Variants in LDAH observed in about 807,000 individuals in gnomAD.
LDAH encodes lipid droplet-associated hydrolase.
LDAH carries 26 observed loss-of-function variants against 29.6 expected under a neutral mutation model. The ratio of observed to expected loss-of-function variants is 0.88; its 90% CI spans 0.64 to 1.22. The LOEUF is 1.22. Ranked by LOEUF, LDAH falls within the 50% of genes most tolerant of loss-of-function variation. The probability of loss-of-function intolerance (pLI) is 0.00; values close to 1 mark genes in which losing one functional copy is unlikely to be tolerated. For synonymous variants in LDAH, 117 were observed against 133.0 expected, an observed-to-expected ratio of 0.88 and a Z score of 0.83; for missense variants, 344 against 387.3, an observed-to-expected ratio of 0.89 and a Z score of 0.94.
chr2:20,794,950 C>T (rs1488400903), intron 2 of LDAH, among the ~76,000 whole-genome samples: 2 of 152,146 alleles, frequency 1.3e-5, no homozygotes, highest in Non-Finnish European at 2.9e-5. Flanking sequence ...GTACTTCATA[C>T]TTCACCATTT....
chr2:20,689,684 TTCG>T (rs1292886876), intron 6 of LDAH, among the ~76,000 whole-genome samples: 2 of 152,190 alleles, frequency 1.3e-5, no homozygotes, highest in Admixed American at 1.3e-4. Flanking sequence ...CAGCAATCTT[TTCG>T]ATTGTATTCA....
intron 1 of LDAH, among the ~76,000 whole-genome samples, chr2:20,818,450 C>T (rs571017641): frequency 7.2e-5 from 11 of 152,164 alleles, no homozygotes; most frequent in South Asian, 2.1e-4. Flanking sequence ...ATTCTTTTTA[C>T]GCTTCTGCTG....
chr2:20,770,726 C>A (rs1043185176), intron 4 of LDAH, among the ~76,000 whole-genome samples: 33 of 152,180 alleles, frequency 2.2e-4, no homozygotes, highest in Admixed American at 7.2e-4. Flanking sequence ...CACTGCAGGG[C>A]ACACTGTAAT....
chr2:20,689,880 T>C (rs1662865535), intron 6 of LDAH, among the ~76,000 whole-genome samples: 1 of 152,070 alleles, frequency 6.6e-6, no homozygotes, highest in South Asian at 2.1e-4. Flanking sequence ...GGACCCTCAC[T>C]CCAGTACAAG....
chr2:20,716,989 A>G (rs1665260883), intron 5 of LDAH, among the ~76,000 whole-genome samples: 1 of 152,196 alleles, frequency 6.6e-6, no homozygotes, highest in Non-Finnish European at 1.5e-5. Flanking sequence ...TTTGTTACAC[A>G]GCAAGAAAAA....
At chr2:20,690,585 T>C (rs1652938860) in intron 6 of LDAH, among the ~76,000 whole-genome samples, 1 of 152,202 alleles carries the variant, frequency 6.6e-6, no homozygotes, top group Non-Finnish European at 1.5e-5. Flanking sequence ...AGATACTTCC[T>C]TTTCCCTATA....
chr2:20,744,760 C>T (rs1339834474), intron 4 of LDAH, among the ~76,000 whole-genome samples: 1 of 152,144 alleles, frequency 6.6e-6, no homozygotes, highest in Non-Finnish European at 1.5e-5. Flanking sequence ...GTAAGTCTAA[C>T]AAAATTGTGG....
chr2:20,728,499 CCA>C, intron 5 of LDAH, among the ~76,000 whole-genome samples: 1 of 151,648 alleles, frequency 6.6e-6, no homozygotes, highest in South Asian at 2.1e-4. Context: ...CTAGCAGAGC[CCA>C]CTGATCATCT....
intron 3 of LDAH, among the ~76,000 whole-genome samples, chr2:20,783,182 C>T (rs1355996541): frequency 6.6e-6 from 1 of 152,106 alleles, no homozygotes; most frequent in African/African-American, 2.4e-5. Context: ...TAAGAGCATA[C>T]CTTGTATAAT....
At chr2:20,719,873 G>A (rs962647102) in intron 5 of LDAH, among the ~76,000 whole-genome samples, 1 of 152,040 alleles carries the variant, frequency 6.6e-6, no homozygotes, top group Non-Finnish European at 1.5e-5. Context: ...GAAACCATAT[G>A]ATTGTTTCAA....
intron 4 of LDAH, among the ~76,000 whole-genome samples, chr2:20,771,676 G>A (rs565543978): frequency 6.6e-6 from 1 of 152,328 alleles, no homozygotes; most frequent in African/African-American, 2.4e-5. Context: ...GTAGTTAATT[G>A]AAACCAGATA....
chr2:20,795,318 A>T (rs764386872), intron 2 of LDAH, among the ~76,000 whole-genome samples: 8 of 152,188 alleles, frequency 5.3e-5, no homozygotes, highest in Non-Finnish European at 1.0e-4. Context: ...AAACTGCCAC[A>T]TATCAAGTTA....
intron 3 of LDAH, among the ~76,000 whole-genome samples, chr2:20,787,367 C>T (rs1392547967): frequency 6.6e-6 from 1 of 152,152 alleles, no homozygotes; most frequent in Non-Finnish European, 1.5e-5. Flanking sequence ...AATCTTGGCT[C>T]ACTGCAACCT....
intron 5 of LDAH, among the ~76,000 whole-genome samples, chr2:20,718,927 A>G (rs188335155): frequency 3.7e-4 from 56 of 151,146 alleles, no homozygotes; most frequent in African/African-American, 1.3e-3. Flanking sequence ...GGGTCAATGA[A>G]GAAATTATGA....
Position 20,684,731 on chromosome 2 carries a change from C to A in LDAH, c.*2172G>T. On this transcript the variant is annotated 3_prime_UTR_variant, in exon 7 of 7. Transcript: ENST00000237822. ...GACTAGGAACAAACACGGGTGTGGT[C>A]AAAGCTCAATCGCTGAGCACTCGGT... is the stretch of plus-strand genomic sequence containing the variant. 1 of 806,996 alleles carries A rather than the reference C, an allele frequency of 1.2e-6. No individual in the cohort carries two copies. Among genetic ancestry groups the A allele is most frequent in the Non-Finnish European group, 1.9e-6 (1 of 530,558 alleles). The allele number at this position is 806,996 out of a possible 1,614,324, so 50.0% of individuals were successfully genotyped here. A position where few individuals can be genotyped will look rare whatever the true frequency, so the allele number is the denominator to read the frequency against.
chr2:20,719,304 A>C (rs892655263), intron 5 of LDAH, among the ~76,000 whole-genome samples: 1 of 151,642 alleles, frequency 6.6e-6, no homozygotes, highest in Non-Finnish European at 1.5e-5. Context: ...AAAAAAGGAA[A>C]CATTACAACT....
Position 20,686,673 on chromosome 2 carries a change from T to G in LDAH, c.*230A>C. ...GTGCAAACACAAGACTCTGTGTAGA[T>G]CACTGTGTTCCCTGAGTCTTGGAAA... On this transcript the variant is annotated 3_prime_UTR_variant, in exon 7 of 7. Transcript: ENST00000237822. 1 of 406,018 alleles carries G rather than the reference T, an allele frequency of 2.5e-6. No homozygotes were observed. Among genetic ancestry groups the G allele is most frequent in the South Asian group, 4.0e-5 (1 of 25,202 alleles). The allele number at this position is 406,018 out of a possible 1,614,324, so 25.2% of individuals were successfully genotyped here. A position where few individuals can be genotyped will look rare whatever the true frequency, so the allele number is the denominator to read the frequency against.
chr2:20,775,096 G>A, intron 3 of LDAH, 117 bp from the exon 4 acceptor site: 2 of 854,382 alleles, frequency 2.3e-6, no homozygotes, highest in South Asian at 3.7e-5. Flanking sequence ...AGCCTACAGT[G>A]TGCCAGTGAT....
intron 1 of LDAH, among the ~76,000 whole-genome samples, chr2:20,819,797 T>G (rs904030914): frequency 6.6e-6 from 1 of 152,196 alleles, no homozygotes; most frequent in African/African-American, 2.4e-5. Context: ...TAAAGGGTAT[T>G]CAATTAGGAA....
Sources: allele counts gnomAD v4.1 joint callset (sites outside exome capture counted in the v4.1 genomes callset), GRCh38; gene constraint gnomAD v4.1.1; transcripts MANE v1.5; gene names NCBI Gene and HGNC (gene_info 2026-07-23, HGNC 2026-07-21).